Variants in KIAA1671 observed in about 807,000 individuals in gnomAD.
The protein encoded by KIAA1671 is uncharacterized protein KIAA1671.
In KIAA1671, 52 loss-of-function variants were observed where a neutral mutation model predicts 131.2. The observed-to-expected ratio is 0.40, with a 90% CI of 0.32 to 0.50. The LOEUF (loss-of-function observed/expected upper bound fraction) is 0.50, where lower values mean the gene tolerates loss of function less well. KIAA1671 is among the 20% of genes least tolerant of loss of function. The pLI is 0.73. For synonymous variants in KIAA1671, 1,003 were observed against 961.6 expected, an observed-to-expected ratio of 1.04 and a Z score of -0.80; for missense variants, 2,360 against 2,364.2, an observed-to-expected ratio of 1.00 and a Z score of 0.04.
intron 6 of KIAA1671, among the ~76,000 whole-genome samples, chr22:25,159,346 G>C (rs1933356767): frequency 6.6e-6 from 1 of 152,138 alleles, no homozygotes; most frequent in Admixed American, 6.5e-5. Flanking sequence ...TGCAGAGCTG[G>C]GGCTGCGGAT....
At chr22:25,123,190 GTTTTTTTTTTTTTT>G (rs59051108) in intron 6 of KIAA1671, among the ~76,000 whole-genome samples, 1 of 63,396 alleles carries the variant, frequency 1.6e-5, no homozygotes, top group African/African-American at 8.4e-5. Flanking sequence ...CTGAGATGAG[GTTTTTTTTTTTTTT>G]TTTTTTTTTT....
intron 6 of KIAA1671, among the ~76,000 whole-genome samples, chr22:25,146,366 C>A (rs1404820980): frequency 1.3e-5 from 2 of 152,188 alleles, no homozygotes; most frequent in African/African-American, 4.8e-5. Flanking sequence ...CTTACCTGCA[C>A]TTCTTTTGTT....
intron 4 of KIAA1671, among the ~76,000 whole-genome samples, chr22:25,035,438 T>G (rs1926536396): frequency 6.6e-6 from 1 of 152,186 alleles, no homozygotes; most frequent in Non-Finnish European, 1.5e-5. Flanking sequence ...TTAAGAAACT[T>G]CCGTGGAGTT....
rs71321019 is a variant in KIAA1671 at position 24,996,018 on chromosome 22, T to C, written c.-207-29615T>C. On this transcript the variant is annotated intron_variant, in intron 1 of 12. Coordinates refer to ENST00000358431, the MANE Select transcript of KIAA1671 (RefSeq NM_001145206.2). ...TGTCCTCTGAACTAACTGGTGATTATGCTGGATAAAATTGGCATCTGGGAG... is the reference window on the plus strand; with the variant it reads ...TGTCCTCTGAACTAACTGGTGATTACGCTGGATAAAATTGGCATCTGGGAG... Among the ~76,000 whole-genome samples the C allele has an allele frequency of 2.1e-3, 315 of 152,378 alleles. 3 individuals are homozygous for C. Among genetic ancestry groups the C allele is most frequent in the Middle Eastern group, 3.4e-3 (1 of 294 alleles).
chr22:25,183,557 GTC>G (rs1050721520), intron 10 of KIAA1671, among the ~76,000 whole-genome samples: 2 of 147,472 alleles, frequency 1.4e-5, no homozygotes, highest in East Asian at 4.0e-4. Flanking sequence ...TTTTGAGACA[GTC>G]TCTCTGTCAC....
chr22:25,167,465 G>A (rs1010415388), intron 6 of KIAA1671, among the ~76,000 whole-genome samples: 10 of 152,250 alleles, frequency 6.6e-5, no homozygotes, highest in South Asian at 2.1e-4. Flanking sequence ...TTAATTGGAA[G>A]ATGCTGCATC....
chr22:25,130,583 T>TA (rs1301163503), intron 6 of KIAA1671, among the ~76,000 whole-genome samples: 1 of 152,102 alleles, frequency 6.6e-6, no homozygotes, highest in Non-Finnish European at 1.5e-5. Flanking sequence ...GGCAAATTGC[T>TA]AAAAAAAGAA....
At chr22:25,063,433 A>G (rs1360738345) in intron 6 of KIAA1671, 3 of 152,204 alleles carry the variant, frequency 2.0e-5, no homozygotes, top group Admixed American at 1.3e-4. Flanking sequence ...GCTGGAGACC[A>G]TTATTCTGAG....
intron 9 of KIAA1671, among the ~76,000 whole-genome samples, chr22:25,180,306 C>T (rs1359253801): frequency 3.3e-5 from 5 of 152,234 alleles, no homozygotes; most frequent in African/African-American, 1.2e-4. Context: ...TTTGGGAGGC[C>T]GAGGTGGGTG....
At chr22:25,064,950 C>T (rs1291724014) in intron 6 of KIAA1671, 2 of 152,164 alleles carry the variant, frequency 1.3e-5, no homozygotes, top group Non-Finnish European at 2.9e-5. Flanking sequence ...GACAGGCCAT[C>T]CTCACCCAGC....
chr22:24,995,385 G>T (rs1178787729), intron 1 of KIAA1671, among the ~76,000 whole-genome samples: 1 of 128,250 alleles, frequency 7.8e-6, no homozygotes, highest in Non-Finnish European at 1.7e-5. Flanking sequence ...CAGGGGCAGG[G>T]TCTCACTCTC....
Position 25,047,938 on chromosome 22 carries a change from T to C in KIAA1671, c.4396-1292T>C, listed in dbSNP as rs991523608. On this transcript the variant is annotated intron_variant, in intron 5 of 12. Coordinates refer to ENST00000358431, the MANE Select transcript of KIAA1671 (RefSeq NM_001145206.2). ...ACACCTCTATTTTCTTCTAAGAGTT[T>C]TCTAGCTTTAGCTCTTACATTTAGG... is the stretch of plus-strand genomic sequence containing the variant. Among the ~76,000 whole-genome samples, 19 of 152,388 alleles carry C rather than the reference T, an allele frequency of 1.2e-4. No homozygotes were observed. In the East Asian group the frequency reaches 3.7e-3, roughly 29 times the overall value.
intron 6 of KIAA1671, among the ~76,000 whole-genome samples, chr22:25,159,375 C>A (rs964250304): frequency 6.6e-5 from 10 of 152,194 alleles, no homozygotes; most frequent in African/African-American, 2.4e-4. Flanking sequence ...GATGTAGGAC[C>A]TTCCCCGGGG....
chr22:25,008,728 G>C (rs762167779), intron 1 of KIAA1671, among the ~76,000 whole-genome samples: 4 of 152,228 alleles, frequency 2.6e-5, no homozygotes, highest in Admixed American at 2.0e-4. Context: ...TTAATGATTT[G>C]AGGATGATAA....
intron 5 of KIAA1671, among the ~76,000 whole-genome samples, chr22:25,043,749 T>G (rs1927069500): frequency 2.0e-5 from 3 of 152,234 alleles, no homozygotes; most frequent in African/African-American, 7.2e-5. Flanking sequence ...GAGGGCATTC[T>G]CAGCAGGGCA....
Position 25,038,835 on chromosome 22 carries a change from T to C in KIAA1671, c.1705T>C (p.Ser569Pro). The C allele has an allele frequency of 6.4e-7, 1 of 1,551,722 alleles. No individual in the cohort carries two copies. Among genetic ancestry groups the C allele is most frequent in the Non-Finnish European group, 8.7e-7 (1 of 1,147,002 alleles). ...PWKPGTLRDK[S>P]RQTEQKVSSN... ...GAAGCCTGGGACACTCCGGGATAAG[T>C]CCAGGCAGACGGAGCAGAAGGTTAG... The change falls in exon 5 of 13, where the codon TCC becomes CCC. Residue 569 changes from serine to proline, a missense_variant. Ser to Pro is a moderately conservative substitution (Grantham distance 74). Around this residue, in one of 3 missense-constraint regions of KIAA1671, gnomAD observed 1,185 missense variants for 1,126.2 expected, o/e 1.05. Transcript: ENST00000358431.
In KIAA1671 at chr22:25,174,403, G is replaced by C; in HGVS notation, c.4813G>C (p.Asp1605His). 1 of 1,551,470 alleles carries C rather than the reference G, an allele frequency of 6.4e-7. No homozygotes were observed. Among genetic ancestry groups the C allele is most frequent in the African/African-American group, 1.4e-5 (1 of 73,158 alleles). Residue 1605 changes from aspartate (D) to histidine (H), a missense_variant, in exon 8 of 13, where the codon GAC becomes CAC. Asp to His is a moderately conservative substitution (Grantham distance 81). Coordinates refer to ENST00000358431, the MANE Select transcript of KIAA1671 (RefSeq NM_001145206.2). ...RSTSVDHSST[D>H]LESTDGMEGP... ...CACCAGCGTGGACCACTCCAGCACTGACCTGGAATCCACCGATGGGATGGA... is the reference window on the plus strand; with the variant it reads ...CACCAGCGTGGACCACTCCAGCACTCACCTGGAATCCACCGATGGGATGGA...
intron 6 of KIAA1671, among the ~76,000 whole-genome samples, chr22:25,071,264 T>C (rs931194588): frequency 6.6e-5 from 10 of 152,208 alleles, no homozygotes; most frequent in Admixed American, 2.6e-4. Context: ...TTAGGAAATA[T>C]TATCTTTCCC....
At chr22:25,170,455 A>G (rs1328295341) in intron 6 of KIAA1671, among the ~76,000 whole-genome samples, 1 of 152,216 alleles carries the variant, frequency 6.6e-6, no homozygotes, top group Non-Finnish European at 1.5e-5. Context: ...AGCCAGATCC[A>G]TGAGTCTGAG....
Sources: allele counts gnomAD v4.1 joint callset (sites outside exome capture counted in the v4.1 genomes callset), GRCh38; gene constraint gnomAD v4.1.1; regional missense constraint gnomAD v4.1.1; transcripts MANE v1.5; gene names NCBI Gene and HGNC (gene_info 2026-07-23, HGNC 2026-07-21).